Variants in UPF3A observed in about 807,000 individuals in gnomAD.
UPF3A encodes UPF3A regulator of nonsense mediated mRNA decay.
In UPF3A, 42 loss-of-function variants were observed where a neutral mutation model predicts 53.5. The observed-to-expected ratio is 0.78, with a 90% CI of 0.61 to 1.01. The LOEUF (loss-of-function observed/expected upper bound fraction) is 1.01, where lower values mean the gene tolerates loss of function less well. UPF3A is among the 50% of genes least tolerant of loss of function. The pLI is 0.00. For synonymous variants in UPF3A, 237 were observed against 225.3 expected, an observed-to-expected ratio of 1.05 and a Z score of -0.47; for missense variants, 575 against 598.0, an observed-to-expected ratio of 0.96 and a Z score of 0.40.
At chr13:114,302,112 G>T in intron 9 of UPF3A, 87 bp downstream of exon 9, 4 of 1,322,782 alleles carry the variant, frequency 3.0e-6, no homozygotes, top group Non-Finnish European at 3.9e-6. Context: ...ACTTGGCCTT[G>T]TGTCTTGGGG....
intron 7 of UPF3A, among the ~76,000 whole-genome samples, chr13:114,295,482 C>T (rs889345818): frequency 1.1e-4 from 17 of 151,720 alleles, no homozygotes; most frequent in East Asian, 3.9e-4. Context: ...CTCAGGACTC[C>T]GCACGTTTCC....
chr13:114,300,276 A>T (rs1432427804), intron 8 of UPF3A, among the ~76,000 whole-genome samples: 1 of 152,252 alleles, frequency 6.6e-6, no homozygotes, highest in Non-Finnish European at 1.5e-5. Context: ...ATGGATGTGC[A>T]CCTGGGCTCC....
chr13:114,289,252 G>A (rs928856887), intron 5 of UPF3A, among the ~76,000 whole-genome samples: 1 of 152,162 alleles, frequency 6.6e-6, no homozygotes, highest in Non-Finnish European at 1.5e-5. Context: ...TTGGCCGGGT[G>A]CGGTGGCTCA....
chr13:114,288,443 A>C (rs2084943486), intron 5 of UPF3A, among the ~76,000 whole-genome samples: 1 of 152,242 alleles, frequency 6.6e-6, no homozygotes, highest in Non-Finnish European at 1.5e-5. Context: ...CAGTGGAGGA[A>C]GGAAGCGCCA....
intron 7 of UPF3A, among the ~76,000 whole-genome samples, chr13:114,295,693 C>CA: frequency 6.6e-6 from 1 of 152,256 alleles, no homozygotes; most frequent in East Asian, 1.9e-4. Context: ...ATATTTTTGC[C>CA]ACTGTTCACA....
intron 7 of UPF3A, among the ~76,000 whole-genome samples, chr13:114,292,503 GCCACATGTTTATT>G (rs2085401360): frequency 6.8e-6 from 1 of 148,060 alleles, no homozygotes; most frequent in Non-Finnish European, 1.5e-5. Flanking sequence ...GTGCAGGTGT[GCCACATGTTTATT>G]TTCGGTTCAA....
At chr13:114,282,365 A>T in intron 2 of UPF3A, 1 of 1,095,468 alleles carries the variant, frequency 9.1e-7, no homozygotes, top group Non-Finnish European at 1.2e-6. Flanking sequence ...GCTAACGCTT[A>T]GGAAAGCGGG....
chr13:114,292,853 T>TC (rs1237865302), intron 7 of UPF3A, among the ~76,000 whole-genome samples: 1 of 151,944 alleles, frequency 6.6e-6, no homozygotes, highest in Admixed American at 6.6e-5. Context: ...GGCGGGCAGA[T>TC]CACGAGGTCA....
chr13:114,297,436 A>C (rs1319143386), intron 7 of UPF3A, among the ~76,000 whole-genome samples: 1 of 152,186 alleles, frequency 6.6e-6, no homozygotes, highest in Non-Finnish European at 1.5e-5. Flanking sequence ...GCCTTTTAAA[A>C]ATTTTTTTTT....
At chr13:114,302,968 G>C (rs1400213945) in intron 9 of UPF3A, among the ~76,000 whole-genome samples, 2 of 152,116 alleles carry the variant, frequency 1.3e-5, no homozygotes, top group African/African-American at 2.4e-5. Flanking sequence ...TGGGCGTGGT[G>C]GCGCGCCTGT....
rs1566744018 is a variant in UPF3A, at chr13:114,291,504, C to T, written c.647C>T (p.Pro216Leu). Reference sequence around the variant, plus strand: ...TGTGTTTTAGCTAGAAGAACCACACCTCTTTTGGAATATATTAAAAATAGA... The same window carrying T: ...TGTGTTTTAGCTAGAAGAACCACACTTCTTTTGGAATATATTAAAAATAGA... ...TRELIARRTT[P>L]LLEYIKNRKL... The change falls in exon 6 of 10, where the codon CCT (proline) becomes CTT (leucine). Residue 216 changes from proline (P) to leucine (L), a missense_variant. Pro to Leu is a moderately conservative substitution (Grantham distance 98). Coordinates refer to ENST00000375299, the MANE Select transcript of UPF3A (RefSeq NM_023011.4). 6.2e-7 allele frequency: 1 copy of T among 1,607,356 alleles called. No individual in the cohort carries two copies. Among genetic ancestry groups the T allele is most frequent in the Non-Finnish European group, 8.5e-7 (1 of 1,178,004 alleles).
In UPF3A at chr13:114,291,871, T is replaced by C. The variant is rs1262726417; in HGVS notation, c.846+79T>C. 9.6e-6 allele frequency: 14 copies of C among 1,454,784 alleles called. 1 individual carries two copies. The South Asian group carries it at 1.4e-4, about 14-fold the overall frequency. 90.1% of individuals were successfully genotyped at this position (1,454,784 alleles called of 1,614,324 possible). A position where few individuals can be genotyped will look rare whatever the true frequency, so the allele number is the denominator to read the frequency against. ...ACACTTTTTACATATCTTAGTTCTT[T>C]AGAATTTTGAAAACATTCTGAATTA... On this transcript the variant is annotated intron_variant, in intron 7 of 9. Coordinates refer to ENST00000375299, the MANE Select transcript of UPF3A (RefSeq NM_023011.4).
At chr13:114,282,771 AAG>A in intron 2 of UPF3A, 64 bp from the exon 3 acceptor site, 1 of 1,557,582 alleles carries the variant, frequency 6.4e-7, no homozygotes. Context: ...GAAAAGGAAA[AAG>A]AGGCTAAATT....
At chr13:114,298,062 T>TG (rs1022590772) in intron 7 of UPF3A, among the ~76,000 whole-genome samples, 18 of 151,582 alleles carry the variant, frequency 1.2e-4, no homozygotes, top group African/African-American at 4.1e-4. Flanking sequence ...TAGGTGGTGG[T>TG]GTGTGTGTGA....
chr13:114,283,912 T>C (rs780198009), intron 3 of UPF3A: 59 of 985,292 alleles, frequency 6.0e-5, no homozygotes, highest in Non-Finnish European at 7.0e-5. Context: ...AGTGTTTTCT[T>C]TTTCTCCAAT....
intron 2 of UPF3A, 169 bp downstream of exon 2, chr13:114,282,296 A>G (rs1343599129): frequency 7.1e-6 from 6 of 839,512 alleles, no homozygotes; most frequent in Non-Finnish European, 1.1e-5. Flanking sequence ...AAAGAAAAAT[A>G]CCACCAACAA....
At position 114,301,817 on chromosome 13, in the gene UPF3A, A is replaced by G; in HGVS notation, c.1094A>G (p.Asp365Gly). The change falls in exon 9 of 10, where the codon GAC becomes GGC. Residue 365 changes from aspartate to glycine, a missense_variant. Asp to Gly is a moderately conservative substitution (Grantham distance 94). Coordinates refer to ENST00000375299, the MANE Select transcript of UPF3A (RefSeq NM_023011.4). The stretch of plus-strand genomic sequence containing the variant: ...GAAGCACAAAGATACCATGTGGATG[A>G]CGGCAGGAGGCACAGAGCTCACCAC... ...ESEAQRYHVD[D>G]GRRHRAHHEP... is the part of the protein sequence containing the mutation. The G allele has an allele frequency of 6.2e-7, 1 of 1,613,902 alleles. No homozygotes were observed. Among genetic ancestry groups the G allele is most frequent in the Non-Finnish European group, 8.5e-7 (1 of 1,179,912 alleles).
chr13:114,294,274 G>A lies in UPF3A; in HGVS notation c.846+2482G>A, dbSNP rs566561539. Among the ~76,000 whole-genome samples the A allele has an allele frequency of 4.4e-4, 21 of 47,496 alleles. No homozygotes were observed. The African/African-American group carries it at 4.7e-3, about 11-fold the overall frequency. The allele number at this position is 47,496 out of a possible 152,430, so 31.2% of individuals were successfully genotyped here. On this transcript the variant is annotated intron_variant, in intron 7 of 9. Coordinates refer to ENST00000375299, the MANE Select transcript of UPF3A (RefSeq NM_023011.4). ...TGCTATTTTTTTGTTTGGTTTTGGT[G>A]GGGGGGGGGTTTGAGACAGGGTCTC... is the stretch of plus-strand genomic sequence containing the variant.
In UPF3A at chr13:114,301,999, C is replaced by T; in HGVS notation, c.1276C>T (p.Pro426Ser). 1 of 1,536,236 alleles carries T rather than the reference C, an allele frequency of 6.5e-7. No individual in the cohort carries two copies. Among genetic ancestry groups the T allele is most frequent in the Non-Finnish European group, 8.8e-7 (1 of 1,142,564 alleles). Residue 426 changes from proline to serine, a missense_variant, in exon 9 of 10, where the codon CCC becomes TCC. Around this residue, in one of 2 missense-constraint regions of UPF3A, gnomAD observed 323 missense variants for 415.2 expected, o/e 0.78. Coordinates refer to ENST00000375299, the MANE Select transcript of UPF3A (RefSeq NM_023011.4). The part of the protein sequence containing the change: ...RAQRCDDSPA[P>S]RKERLANKDR... ...GCAGAGGTGTGACGACAGTCCAGCA[C>T]CCAGAAAAGAGCGACTGGCAAACAA... is the stretch of plus-strand genomic sequence containing the variant.
Sources: gnomAD v4.1 joint callset for allele counts (sites outside exome capture counted in the v4.1 genomes callset) on GRCh38, gnomAD v4.1.1 for gene constraint, gnomAD v4.1.1 regional missense constraint, MANE v1.5 for transcripts, NCBI Gene and HGNC (gene_info 2026-07-23, HGNC 2026-07-21) for gene names.